The following DGAT2L6 variants were observed in gnomAD, a reference collection of about 807,000 sequenced individuals.
The protein encoded by DGAT2L6 is diacylglycerol O-acyltransferase 2-like protein 6.
DGAT2L6 carries 22 observed loss-of-function variants against 25.5 expected under a neutral mutation model. The ratio of observed to expected loss-of-function variants is 0.86; its 90% CI spans 0.62 to 1.23. The LOEUF is 1.23. Ranked by LOEUF, DGAT2L6 falls within the 50% of genes most tolerant of loss-of-function variation. DGAT2L6 has a pLI of 0.00. For synonymous variants in DGAT2L6, 100 were observed against 94.7 expected, an observed-to-expected ratio of 1.06 and a Z score of -0.32; for missense variants, 287 against 253.2, an observed-to-expected ratio of 1.13 and a Z score of -0.91.
At chrX:70,188,413 A>G (rs953538235) in intron 1 of DGAT2L6, among the ~76,000 whole-genome samples, 6 of 111,853 alleles carry the variant, frequency 5.4e-5, no homozygotes, top group African/African-American at 1.9e-4. Flanking sequence ...CTCCTTGACA[A>G]CTACAATCAA....
intron 1 of DGAT2L6, among the ~76,000 whole-genome samples, chrX:70,187,169 T>G (rs748010340): frequency 9.2e-6 from 1 of 108,423 alleles, no homozygotes; most frequent in African/African-American, 3.5e-5. Context: ...AGGAGAAGTT[T>G]TTTGTTTGTT....
At chrX:70,183,869 GA>G (rs770515572) in intron 1 of DGAT2L6, among the ~76,000 whole-genome samples, 60 of 98,438 alleles carry the variant, frequency 6.1e-4, no homozygotes, top group Admixed American at 1.2e-3. Flanking sequence ...CATCTCTACA[GA>G]AAAAAAAAAA....
chrX:70,202,560 A>T (rs966513476), intron 5 of DGAT2L6, among the ~76,000 whole-genome samples: 1 of 112,241 alleles, frequency 8.9e-6, no homozygotes, highest in East Asian at 2.8e-4. Context: ...AGTAAATAAG[A>T]CCTGGTCCTT....
At chrX:70,191,322 A>G (rs2085374882) in intron 1 of DGAT2L6, among the ~76,000 whole-genome samples, 1 of 111,809 alleles carries the variant, frequency 8.9e-6, no homozygotes, top group African/African-American at 3.3e-5. Context: ...AAAAACCACA[A>G]AAAGGACCCA....
intron 1 of DGAT2L6, among the ~76,000 whole-genome samples, chrX:70,196,233 T>C (rs1234167866): frequency 9.2e-6 from 1 of 109,209 alleles, no homozygotes; most frequent in African/African-American, 3.3e-5. Context: ...ATCCCAGCAC[T>C]TTGGGAGGCT....
At chrX:70,201,794 CAGA>C in intron 4 of DGAT2L6, 93 bp from the exon 5 acceptor site, 2 of 969,666 alleles carry the variant, frequency 2.1e-6, no homozygotes, top group Non-Finnish European at 1.4e-6. Context: ...AGTCAGAAAA[CAGA>C]AGAACTGTCT....
chrX:70,188,690 C>A (rs2085366443), intron 1 of DGAT2L6, among the ~76,000 whole-genome samples: 1 of 110,757 alleles, frequency 9.0e-6, no homozygotes, highest in African/African-American at 3.3e-5. Flanking sequence ...AAACTACAGA[C>A]TAAGATCCCT....
At chrX:70,192,820 C>T (rs1208215982) in intron 1 of DGAT2L6, among the ~76,000 whole-genome samples, 2 of 110,926 alleles carry the variant, frequency 1.8e-5, no homozygotes, top group African/African-American at 3.3e-5. Flanking sequence ...AAAAAAGAGA[C>T]ACAATATCAA....
intron 1 of DGAT2L6, among the ~76,000 whole-genome samples, chrX:70,193,193 C>T (rs1450905805): frequency 2.7e-5 from 3 of 109,774 alleles, no homozygotes; most frequent in Non-Finnish European, 5.7e-5. Context: ...TGGCGTGCTC[C>T]TGTAGTCCCA....
intron 1 of DGAT2L6, among the ~76,000 whole-genome samples, chrX:70,196,102 C>T (rs774695009): frequency 9.0e-6 from 1 of 110,971 alleles, no homozygotes; most frequent in African/African-American, 3.3e-5. Flanking sequence ...TAAATTATAC[C>T]TCCATAAAAC....
intron 1 of DGAT2L6, among the ~76,000 whole-genome samples, chrX:70,185,681 C>A (rs955243847): frequency 1.8e-5 from 2 of 111,012 alleles, no homozygotes; most frequent in African/African-American, 6.6e-5. Flanking sequence ...TTTCCAGTTC[C>A]CAACCCTGTC....
At chrX:70,190,207 CG>C (rs1031874570) in intron 1 of DGAT2L6, among the ~76,000 whole-genome samples, 1 of 111,898 alleles carries the variant, frequency 8.9e-6, no homozygotes, top group African/African-American at 3.2e-5. Flanking sequence ...TTTCAAGGAA[CG>C]GTGTAGGAAA....
rs770181043 is a variant in DGAT2L6 at position 70,202,156 on chromosome X, G to C, written c.647+92G>C. ...TGGTGCCCTCCCTGGGCACCTGTTA[G>C]AGGGCCCCCATCTTCACTCTAATTC... On this transcript the variant is annotated intron_variant, in intron 5 of 6. Coordinates refer to ENST00000333026, the MANE Select transcript of DGAT2L6 (RefSeq NM_198512.3). The C allele has an allele frequency of 7.4e-5, 63 of 849,017 alleles. No homozygotes were observed. In the African/African-American group the frequency reaches 1.2e-3, roughly 16 times the overall value. The allele number at this position is 849,017 out of a possible 1,213,427, so 70.0% of individuals were successfully genotyped here.
chrX:70,202,024 A>G lies in DGAT2L6; in HGVS notation c.607A>G (p.Lys203Glu). ...ACCAGGAGCCTCCACTCTCTTCCTC[A>G]AGCAGCGTAAAGGTTTTGTGAAGAT... ...CRPGASTLFL[K>E]QRKGFVKMAL... The change falls in exon 5 of 7, where the codon AAG becomes GAG. Residue 203 changes from lysine (K) to glutamate (E), a missense_variant. Transcript: ENST00000333026. 8.3e-7 allele frequency: 1 copy of G among 1,204,808 alleles called. No individual in the cohort carries two copies. Among genetic ancestry groups the G allele is most frequent in the Non-Finnish European group, 1.1e-6 (1 of 892,683 alleles).
In DGAT2L6 at chrX:70,202,064, G is replaced by A. The variant is rs1198282234; in HGVS notation, c.647G>A (p.Gly216Glu). The A allele has an allele frequency of 8.5e-7, 1 of 1,181,903 alleles. No homozygotes were observed. Among genetic ancestry groups the A allele is most frequent in the Non-Finnish European group, 1.1e-6 (1 of 881,586 alleles). Residue 216 changes from glycine to glutamate, a missense_variant and splice_region_variant, in exon 5 of 7, where the codon GGG (glycine) becomes GAG (glutamate). Physicochemically the swap from Gly to Glu is moderately conservative, Grantham distance 98. Transcript: ENST00000333026. ...KGFVKMALQT[G>E]AYLVPSYSFG... ...TTTGTGAAGATGGCACTGCAAACAG[G>A]GTGGGTTCCAAGGTTCTAGTGCTCT...
intron 1 of DGAT2L6, 87 bp downstream of exon 1, chrX:70,177,754 C>A: frequency 1.2e-6 from 1 of 821,238 alleles, no homozygotes; most frequent in Non-Finnish European, 1.8e-6. Context: ...CCAAAGAGAT[C>A]ATCTGGGTGA....
chrX:70,179,255 G>A (rs2085335881), intron 1 of DGAT2L6, among the ~76,000 whole-genome samples: 1 of 111,913 alleles, frequency 8.9e-6, no homozygotes, highest in South Asian at 3.7e-4. Flanking sequence ...AAGTCATTTT[G>A]TTAGTAAACT....
At chrX:70,188,365 A>G (rs1302212309) in intron 1 of DGAT2L6, among the ~76,000 whole-genome samples, 1 of 111,728 alleles carries the variant, frequency 9.0e-6, no homozygotes, top group African/African-American at 3.3e-5. Context: ...ATGGTGCTGA[A>G]AAGAAAAATA....
chrX:70,203,696 A>T (rs900437487), intron 5 of DGAT2L6, among the ~76,000 whole-genome samples: 1 of 110,996 alleles, frequency 9.0e-6, no homozygotes, highest in African/African-American at 3.3e-5. Flanking sequence ...TAAGCACTAG[A>T]TGAGGGGTAC....
Sources: gnomAD v4.1 joint callset for allele counts (sites outside exome capture counted in the v4.1 genomes callset) on GRCh38, gnomAD v4.1.1 for gene constraint, MANE v1.5 for transcripts, NCBI Gene and HGNC (gene_info 2026-07-23, HGNC 2026-07-21) for gene names.